The following FAM20C variants were observed in gnomAD, a reference collection of about 807,000 sequenced individuals.
FAM20C encodes the protein FAM20C golgi associated secretory pathway kinase, also known as extracellular serine/threonine protein kinase FAM20C.
In FAM20C, 40 loss-of-function variants were observed where a neutral mutation model predicts 51.5. That is an observed-to-expected ratio of 0.78 (90% CI 0.60 to 1.01). The LOEUF (loss-of-function observed/expected upper bound fraction) is 1.01. FAM20C is among the 50% of genes least tolerant of loss of function. FAM20C has a pLI of 0.00. For synonymous variants in FAM20C, 406 were observed against 380.6 expected (o/e 1.07, Z -0.78); for missense variants, 861 against 844.7 (o/e 1.02, Z -0.24).
chr7:257,787 GC>G (rs1378086080), intron 8 of FAM20C, among the ~76,000 whole-genome samples: 4 of 138,400 alleles, frequency 2.9e-5, no homozygotes, highest in African/African-American at 1.1e-4. Flanking sequence ...TGCCCGGGGT[GC>G]TGGAGATGGG....
intron 3 of FAM20C, chr7:228,185 T>G (rs79755220): frequency 0.025 from 7,799 of 314,696 alleles, 288 homozygotes; most frequent in East Asian, 0.084. Flanking sequence ...CCGCCTGGCA[T>G]GGTTGTGATG....
At chr7:229,719 C>T (rs1306347467) in intron 3 of FAM20C, among the ~76,000 whole-genome samples, 4 of 152,190 alleles carry the variant, frequency 2.6e-5, no homozygotes, top group Admixed American at 6.5e-5. Context: ...GGGAGAGCCC[C>T]GCACCTTCCA....
chr7:203,824 G>C (rs1583283754), intron 2 of FAM20C, among the ~76,000 whole-genome samples: 1 of 152,188 alleles, frequency 6.6e-6, no homozygotes, highest in African/African-American at 2.4e-5. Context: ...TACAAACCGG[G>C]ATTACAAGCC....
At position 257,890 on chromosome 7, in the gene FAM20C, CA is replaced by C. The variant is rs1363295570; in HGVS notation, c.1446-755del. On this transcript the variant is annotated intron_variant, in intron 8 of 9. Coordinates refer to ENST00000313766, the MANE Select transcript of FAM20C (RefSeq NM_020223.4). The stretch of plus-strand genomic sequence containing the variant: ...GATGGGGCTGGGTGGACCCACTGCC[CA>C]GGATGCTGGAGATGGGCTGGGTGGA... 3.4e-4 allele frequency among the ~76,000 whole-genome samples: 34 copies of C among 101,242 alleles called. 3 individuals carry two copies. The highest frequency in any genetic ancestry group is 1.5e-3 in the African/African-American group (30 of 19,878). The allele number at this position is 101,242 out of a possible 152,430, so 66.4% of individuals were successfully genotyped here. A position where few individuals can be genotyped will look rare whatever the true frequency, so the allele number is the denominator to read the frequency against.
At chr7:214,909 T>C (rs1786888010) in intron 3 of FAM20C, among the ~76,000 whole-genome samples, 1 of 152,014 alleles carries the variant, frequency 6.6e-6, no homozygotes, top group South Asian at 2.1e-4. Flanking sequence ...CATTTAGTCA[T>C]TCCACAAACT....
intron 3 of FAM20C, 100 bp from the exon 4 acceptor site, chr7:246,315 C>A (rs534901269): frequency 6.0e-6 from 6 of 1,006,904 alleles, no homozygotes; most frequent in Non-Finnish European, 9.0e-6. Flanking sequence ...GGAGCTCCAC[C>A]GCATTTTTCA....
intron 4 of FAM20C, among the ~76,000 whole-genome samples, chr7:247,639 T>TATCTAGAACAGCCTGAACCCA (rs368308159): frequency 0.053 from 8,090 of 152,212 alleles, 414 homozygotes; most frequent in African/African-American, 0.14. Context: ...CCATTTCAGC[T>TATCTAGAACAGCCTGAACCCA]ATCTAGAACA....
At chr7:230,008 C>A (rs867242018) in intron 3 of FAM20C, among the ~76,000 whole-genome samples, 3 of 152,138 alleles carry the variant, frequency 2.0e-5, no homozygotes, top group Non-Finnish European at 4.4e-5. Flanking sequence ...GGGGAAGGAC[C>A]AGCTTCCGCT....
At chr7:201,336 G>A (rs1412662131) in intron 2 of FAM20C, among the ~76,000 whole-genome samples, 2 of 152,232 alleles carry the variant, frequency 1.3e-5, no homozygotes, top group Non-Finnish European at 2.9e-5. Context: ...ACACCTGGAT[G>A]TGTTTCTGTG....
intron 3 of FAM20C, among the ~76,000 whole-genome samples, chr7:242,704 T>C (rs1362611575): frequency 6.6e-6 from 1 of 152,194 alleles, no homozygotes; most frequent in Non-Finnish European, 1.5e-5. Context: ...ACTCAGTTTC[T>C]GGAGGCTCTG....
intron 3 of FAM20C, among the ~76,000 whole-genome samples, chr7:241,998 C>T (rs1787962376): frequency 6.6e-6 from 1 of 152,206 alleles, no homozygotes; most frequent in African/African-American, 2.4e-5. Flanking sequence ...CATCCAGGCC[C>T]AGCCCCATGC....
intron 3 of FAM20C, among the ~76,000 whole-genome samples, chr7:213,831 G>A (rs1312982937): frequency 6.6e-6 from 1 of 152,040 alleles, no homozygotes; most frequent in Non-Finnish European, 1.5e-5. Flanking sequence ...GTGTGCTGTT[G>A]TCTGGCTTTT....
At chr7:197,613 A>G (rs1284202727) in intron 2 of FAM20C, 1 of 155,160 alleles carries the variant, frequency 6.4e-6, no homozygotes, top group African/African-American at 2.4e-5. Flanking sequence ...ATTAACTAGT[A>G]CTTTGTGCGT....
At chr7:257,642 G>A (rs1356021312) in intron 8 of FAM20C, among the ~76,000 whole-genome samples, 2 of 152,204 alleles carry the variant, frequency 1.3e-5, no homozygotes, top group East Asian at 1.9e-4. Flanking sequence ...GTGGGCTGAC[G>A]CTCCCTGGAG....
chr7:234,316 G>T (rs1042736955), intron 3 of FAM20C, among the ~76,000 whole-genome samples: 1 of 152,262 alleles, frequency 6.6e-6, no homozygotes, highest in Non-Finnish European at 1.5e-5. Flanking sequence ...AAGCCCAGTC[G>T]GGAGTTGTGA....
rs530862021 is a variant in FAM20C at position 211,875 on chromosome 7, A to AGGCG, written c.863+2908_863+2911dup. On this transcript the variant is annotated intron_variant, in intron 3 of 9. Transcript: ENST00000313766. The stretch of plus-strand genomic sequence containing the variant: ...GGCGGAGGCAGGGACCCCACACCTC[A>AGGCG]GGCGGGCGGGCGTGTGCGAACCTTT... Among the ~76,000 whole-genome samples the AGGCG allele has an allele frequency of 6.6e-5, 10 of 152,300 alleles. No individual in the cohort carries two copies. The East Asian group carries it at 1.7e-3, about 26-fold the overall frequency.
chr7:232,871 A>G (rs1787741713), intron 3 of FAM20C, among the ~76,000 whole-genome samples: 2 of 152,208 alleles, frequency 1.3e-5, no homozygotes, highest in African/African-American at 2.4e-5. Flanking sequence ...CGGAGAAACA[A>G]CGAATCCTCT....
intron 3 of FAM20C, among the ~76,000 whole-genome samples, chr7:240,779 C>T (rs1163056720): frequency 5.9e-5 from 9 of 152,146 alleles, no homozygotes; most frequent in African/African-American, 2.2e-4. Flanking sequence ...GATTGTGGCC[C>T]GGGCCAAGCA....
intron 3 of FAM20C, among the ~76,000 whole-genome samples, chr7:236,902 C>T (rs1052515297): frequency 6.0e-5 from 9 of 149,230 alleles, no homozygotes; most frequent in African/African-American, 2.3e-4. Flanking sequence ...GATGCGTGGC[C>T]AGAGGGCAGA....
Sources: allele counts gnomAD v4.1 joint callset (sites outside exome capture counted in the v4.1 genomes callset), GRCh38; gene constraint gnomAD v4.1.1; transcripts MANE v1.5; gene names NCBI Gene and HGNC (gene_info 2026-07-23, HGNC 2026-07-21).